The following AKT3 variants were observed in gnomAD, a reference collection of about 807,000 sequenced individuals.
The protein encoded by AKT3 is RAC-gamma serine/threonine-protein kinase.
AKT3 carries 15 observed loss-of-function variants against 65.3 expected under a neutral mutation model. That is an observed-to-expected ratio of 0.23 (90% CI 0.15 to 0.35). The LOEUF is 0.35. AKT3 is among the 10% of genes least tolerant of loss of function. AKT3 has a pLI of 1.00. For missense variants in AKT3, 243 were observed against 576.5 expected, an observed-to-expected ratio of 0.42 and a Z score of 5.92; for synonymous variants, 206 against 183.8, an observed-to-expected ratio of 1.12 and a Z score of -0.98.
At chr1:243,836,682 G>A (rs555544446) in intron 2 of AKT3, among the ~76,000 whole-genome samples, 7 of 152,188 alleles carry the variant, frequency 4.6e-5, no homozygotes, top group Non-Finnish European at 7.4e-5. Context: ...AGGCCAAGGC[G>A]GGTGGATCAC....
intron 6 of AKT3, among the ~76,000 whole-genome samples, chr1:243,636,996 TTAAG>T (rs1267366108): frequency 6.6e-6 from 1 of 152,150 alleles, no homozygotes; most frequent in Non-Finnish European, 1.5e-5. Context: ...ATTTGTTGAA[TTAAG>T]TAAGACTTAA....
chr1:243,795,459 T>G (rs1691909599), intron 2 of AKT3, among the ~76,000 whole-genome samples: 1 of 124,910 alleles, frequency 8.0e-6, no homozygotes, highest in African/African-American at 3.2e-5. Context: ...GTTTTTTTTT[T>G]TTGTTTTTTT....
rs759291565 is a variant in AKT3 at position 243,583,195 on chromosome 1, T to TATAC, written c.697-10148_697-10147insGTAT. On this transcript the variant is annotated intron_variant, in intron 8 of 13. Coordinates refer to ENST00000673466, the MANE Select transcript of AKT3 (RefSeq NM_005465.7). ...GTATATATATATATATATATATATA[T>TATAC]ACACACACACACACACACATATATC... Among the ~76,000 whole-genome samples the TATAC allele has an allele frequency of 8.8e-4, 78 of 88,278 alleles. 2 individuals carry two copies. Among genetic ancestry groups the TATAC allele is most frequent in the African/African-American group, 3.5e-3 (69 of 19,592 alleles). The allele number at this position is 88,278 out of a possible 152,430, so 57.9% of individuals were successfully genotyped here. A position where few individuals can be genotyped will look rare whatever the true frequency, so the allele number is the denominator to read the frequency against.
intron 2 of AKT3, among the ~76,000 whole-genome samples, chr1:243,772,392 T>G (rs1690245877): frequency 6.6e-6 from 1 of 152,134 alleles, no homozygotes; most frequent in African/African-American, 2.4e-5. Context: ...GAACAGACAC[T>G]TCTCAAAAGA....
intron 2 of AKT3, among the ~76,000 whole-genome samples, chr1:243,754,151 C>T (rs1688980596): frequency 6.6e-6 from 1 of 152,138 alleles, no homozygotes; most frequent in South Asian, 2.1e-4. Context: ...AGTAAAAGAC[C>T]ATGTCTTAAG....
At chr1:243,547,967 C>T (rs1445345361) in intron 11 of AKT3, 1 of 152,174 alleles carries the variant, frequency 6.6e-6, no homozygotes, top group Non-Finnish European at 1.5e-5. Flanking sequence ...GTTCTGTGTT[C>T]AGTGAGAGCT....
At position 243,669,193 on chromosome 1, in the gene AKT3, T is replaced by C. The variant is rs191018805; in HGVS notation, c.173-4310A>G. Among the ~76,000 whole-genome samples the C allele has an allele frequency of 2.2e-3, 332 of 152,314 alleles. 3 individuals are homozygous for C. The highest frequency in any genetic ancestry group is 7.2e-3 in the African/African-American group (298 of 41,578). On this transcript the variant is annotated intron_variant, in intron 3 of 13. Coordinates refer to ENST00000673466, the MANE Select transcript of AKT3 (RefSeq NM_005465.7). ...ATTAAATTTCCAGCCAGTAATTCAC[T>C]AGCTATATTACTTAAAAGTTAGGAA... is the stretch of plus-strand genomic sequence containing the variant.
intron 2 of AKT3, among the ~76,000 whole-genome samples, chr1:243,707,458 C>A (rs556252271): frequency 2.2e-4 from 33 of 152,178 alleles, no homozygotes; most frequent in African/African-American, 6.7e-4. Flanking sequence ...TCACAGAAAT[C>A]ATCTTTCTTA....
At chr1:243,768,261 T>C (rs2148267942) in intron 2 of AKT3, among the ~76,000 whole-genome samples, 1 of 152,124 alleles carries the variant, frequency 6.6e-6, no homozygotes, top group Admixed American at 6.5e-5. Flanking sequence ...TCTTACATAG[T>C]GACACAAGTA....
intron 2 of AKT3, among the ~76,000 whole-genome samples, chr1:243,800,752 T>C (rs2148365686): frequency 6.6e-6 from 1 of 150,886 alleles, no homozygotes; most frequent in East Asian, 1.9e-4. Context: ...TGTATAATAA[T>C]CACACTGGAG....
chr1:243,698,666 A>G (rs2148034360), intron 2 of AKT3, among the ~76,000 whole-genome samples: 2 of 152,244 alleles, frequency 1.3e-5, no homozygotes, highest in Middle Eastern at 6.8e-3. Flanking sequence ...ACTCACATAG[A>G]AGAAAAATTT....
In AKT3 at chr1:243,672,216, G is replaced by A. The variant is rs139929716; in HGVS notation, c.173-7333C>T. ...TCTCCAGGTAGGAGTAACGGGAGGC[G>A]GTTTAGAATGAGAAGCTGAAGGGAA... On this transcript the variant is annotated intron_variant, in intron 3 of 13. Coordinates refer to ENST00000673466, the MANE Select transcript of AKT3 (RefSeq NM_005465.7). 5.8e-3 allele frequency among the ~76,000 whole-genome samples: 882 copies of A among 152,226 alleles called. 2 individuals carry two copies. The highest frequency in any genetic ancestry group is 0.01 in the Middle Eastern group (3 of 294).
chr1:243,664,786 A>G lies in AKT3; in HGVS notation c.270T>C (p.Asp90=), dbSNP rs770436254. Residue 90 remains aspartate, a synonymous_variant, in exon 4 of 14, where the codon GAT becomes GAC. Coordinates refer to ENST00000673466, the MANE Select transcript of AKT3 (RefSeq NM_005465.7). ...TTVIERTFHV[D]TPEEREEWTE... ...GAATTTCTTACCTTTCCTCTGGAGT[A>G]TCTACATGAAATGTTCTCTCTATAA... 2 of 1,521,884 alleles carry G rather than the reference A, an allele frequency of 1.3e-6. No homozygotes were observed. Among genetic ancestry groups the G allele is most frequent in the East Asian group, 5.0e-5 (2 of 39,990 alleles). 94.3% of individuals were successfully genotyped at this position (1,521,884 alleles called of 1,614,324 possible).
chr1:243,675,366 A>T (rs1371453681), intron 3 of AKT3, among the ~76,000 whole-genome samples: 2 of 151,980 alleles, frequency 1.3e-5, no homozygotes, highest in African/African-American at 4.8e-5. Flanking sequence ...CGCCCAGCTA[A>T]TTTTTTGTAT....
At chr1:243,649,762 C>T (rs1448428108) in intron 4 of AKT3, among the ~76,000 whole-genome samples, 1 of 152,140 alleles carries the variant, frequency 6.6e-6, no homozygotes, top group Non-Finnish European at 1.5e-5. Flanking sequence ...TTTATGGCTG[C>T]ATAGTATTCC....
intron 8 of AKT3, among the ~76,000 whole-genome samples, chr1:243,610,442 A>G (rs1268220287): frequency 6.6e-6 from 1 of 152,242 alleles, no homozygotes; most frequent in Non-Finnish European, 1.5e-5. Context: ...TTGTAAAACA[A>G]TGTGAAAATT....
At chr1:243,669,045 A>G (rs1558701517) in intron 3 of AKT3, among the ~76,000 whole-genome samples, 2 of 103,022 alleles carry the variant, frequency 1.9e-5, no homozygotes, top group Admixed American at 1.1e-4. Flanking sequence ...TTAAAATACC[A>G]AAGACATTAT....
intron 2 of AKT3, among the ~76,000 whole-genome samples, chr1:243,700,782 G>A (rs1013997883): frequency 4.6e-5 from 7 of 152,174 alleles, no homozygotes; most frequent in African/African-American, 1.7e-4. Context: ...GATTACAGGC[G>A]TGAGCCACTG....
chr1:243,597,978 A>G (rs975296574), intron 8 of AKT3, among the ~76,000 whole-genome samples: 1 of 152,214 alleles, frequency 6.6e-6, no homozygotes, highest in Non-Finnish European at 1.5e-5. Context: ...AATAGAAAAA[A>G]ATTATTCAAA....
Sources: allele counts gnomAD v4.1 joint callset (sites outside exome capture counted in the v4.1 genomes callset), GRCh38; gene constraint gnomAD v4.1.1; transcripts MANE v1.5; gene names NCBI Gene and HGNC (gene_info 2026-07-23, HGNC 2026-07-21).